Variants in PCDH15 observed in about 807,000 individuals in gnomAD.
PCDH15 encodes protocadherin-15.
Under a neutral mutation model 178.5 loss-of-function variants are expected in PCDH15, and 129 were observed. The observed-to-expected ratio is 0.72, with a 90% CI of 0.63 to 0.84. PCDH15 has a LOEUF of 0.84. Ranked by LOEUF, PCDH15 falls within the 40% of genes least tolerant of loss-of-function variation. The pLI, the probability that PCDH15 is intolerant of heterozygous loss-of-function variation, is 0.00. For synonymous variants in PCDH15, 800 were observed against 732.0 expected (o/e 1.09, Z -1.50); for missense variants, 2,230 against 2,099.9 (o/e 1.06, Z -1.21).
intron 13 of PCDH15, among the ~76,000 whole-genome samples, chr10:54,153,613 C>A (rs1401759516): frequency 6.6e-6 from 1 of 152,036 alleles, no homozygotes; most frequent in Non-Finnish European, 1.5e-5. Context: ...AATCTAATAT[C>A]CCTATAGGAA....
intron 1 of PCDH15, among the ~76,000 whole-genome samples, chr10:54,770,546 C>T (rs1243309995): frequency 6.6e-6 from 1 of 152,038 alleles, no homozygotes; most frequent in African/African-American, 2.4e-5. Context: ...GAAATGCAGG[C>T]TGTGAGGTGG....
At chr10:54,356,274 A>T (rs953047737) in intron 5 of PCDH15, among the ~76,000 whole-genome samples, 1 of 152,032 alleles carries the variant, frequency 6.6e-6, no homozygotes, top group Non-Finnish European at 1.5e-5. Flanking sequence ...TATCAGGTGA[A>T]TTAAAATTTA....
chr10:55,229,361 G>A (rs1030895291), intron 1 of PCDH15, among the ~76,000 whole-genome samples: 8 of 151,712 alleles, frequency 5.3e-5, no homozygotes, highest in Non-Finnish European at 1.0e-4. Flanking sequence ...ATAATCTGTT[G>A]TTATAAAAAG....
intron 2 of PCDH15, among the ~76,000 whole-genome samples, chr10:55,068,367 C>T (rs1468998948): frequency 6.6e-6 from 1 of 151,936 alleles, no homozygotes; most frequent in African/African-American, 2.4e-5. Context: ...TGTCCTTTCC[C>T]CAGTGAATTT....
intron 2 of PCDH15, among the ~76,000 whole-genome samples, chr10:54,628,659 A>C (rs1410527053): frequency 6.6e-6 from 1 of 152,158 alleles, no homozygotes; most frequent in Non-Finnish European, 1.5e-5. Flanking sequence ...TTTATGGTAG[A>C]GTAACCAAAT....
At chr10:54,633,117 A>C (rs775687225) in intron 2 of PCDH15, among the ~76,000 whole-genome samples, 1 of 152,156 alleles carries the variant, frequency 6.6e-6, no homozygotes, top group African/African-American at 2.4e-5. Flanking sequence ...GGAGACTGAA[A>C]AAAAGCCCAA....
chr10:54,852,234 A>G (rs548101896), intron 3 of PCDH15, among the ~76,000 whole-genome samples: 3 of 130,842 alleles, frequency 2.3e-5, no homozygotes, highest in East Asian at 5.1e-4. Flanking sequence ...TATTGAGTAA[A>G]TTGTTTCTAA....
At position 54,191,436 on chromosome 10, in the gene PCDH15, A is replaced by G. The variant is rs182465251; in HGVS notation, c.1305+4247T>C. Among the ~76,000 whole-genome samples the G allele has an allele frequency of 3.3e-5, 5 of 152,294 alleles. No individual in the cohort carries two copies. The East Asian group carries it at 9.7e-4, about 29-fold the overall frequency. The stretch of plus-strand genomic sequence containing the variant: ...AAAGATTTCAAAGCCTAGAACATGT[A>G]ATGAGCAAACATTAGACAAGATGTA... On this transcript the variant is annotated intron_variant, in intron 11 of 37. Coordinates refer to ENST00000644397, the MANE Select transcript of PCDH15 (RefSeq NM_001384140.1).
intron 2 of PCDH15, among the ~76,000 whole-genome samples, chr10:54,904,511 G>T (rs957610163): frequency 6.6e-6 from 1 of 151,720 alleles, no homozygotes; most frequent in African/African-American, 2.4e-5. Flanking sequence ...TATATAATAA[G>T]ATGACAAAAT....
At chr10:54,074,975 C>T (rs1472790415) in intron 17 of PCDH15, among the ~76,000 whole-genome samples, 2 of 152,078 alleles carry the variant, frequency 1.3e-5, no homozygotes, top group Non-Finnish European at 2.9e-5. Context: ...TTTAGCAATG[C>T]TAAGTGTTTT....
At chr10:53,956,266 G>C (rs2087603669) in intron 23 of PCDH15, among the ~76,000 whole-genome samples, 1 of 151,998 alleles carries the variant, frequency 6.6e-6, no homozygotes, top group Admixed American at 6.6e-5. Context: ...TTCATCCCTA[G>C]TTAATAAGGA....
chr10:55,265,768 C>T (rs1291483082), intron 1 of PCDH15, among the ~76,000 whole-genome samples: 4 of 152,016 alleles, frequency 2.6e-5, no homozygotes, highest in Non-Finnish European at 1.5e-5. Flanking sequence ...CTCTCTATCT[C>T]GTGATTCAGT....
chr10:54,575,740 A>G (rs1381290742), intron 2 of PCDH15, among the ~76,000 whole-genome samples: 1 of 152,210 alleles, frequency 6.6e-6, no homozygotes, highest in Non-Finnish European at 1.5e-5. Flanking sequence ...ATTTAGTAAT[A>G]AACAAGTCAA....
intron 9 of PCDH15, among the ~76,000 whole-genome samples, chr10:54,232,834 C>A (rs1187231990): frequency 1.3e-5 from 2 of 150,886 alleles, no homozygotes; most frequent in Admixed American, 1.3e-4. Flanking sequence ...ATTTTGGCTT[C>A]ATTTATTATC....
intron 28 of PCDH15, among the ~76,000 whole-genome samples, chr10:53,849,902 T>C (rs1217626277): frequency 3.4e-5 from 5 of 147,380 alleles, no homozygotes; most frequent in Non-Finnish European, 7.5e-5. Context: ...GAAAAATTTG[T>C]ACAAATTTGG....
intron 18 of PCDH15, among the ~76,000 whole-genome samples, chr10:54,056,109 C>T (rs1162879778): frequency 6.6e-6 from 1 of 152,052 alleles, no homozygotes; most frequent in Non-Finnish European, 1.5e-5. Context: ...GGGATTATGC[C>T]ATTTTTAATT....
chr10:54,453,499 T>C (rs1220315690), intron 3 of PCDH15, among the ~76,000 whole-genome samples: 2 of 151,468 alleles, frequency 1.3e-5, no homozygotes. Flanking sequence ...CACCAGGGCC[T>C]GTTGTGGGGT....
chr10:54,682,747 G>C (rs903849154), intron 1 of PCDH15, among the ~76,000 whole-genome samples: 1 of 152,148 alleles, frequency 6.6e-6, no homozygotes. Flanking sequence ...CCATGTGTGT[G>C]TGCATAGTGA....
At chr10:55,393,208 G>C (rs1219409409) in intron 2 of PCDH15, among the ~76,000 whole-genome samples, 1 of 152,018 alleles carries the variant, frequency 6.6e-6, no homozygotes, top group Non-Finnish European at 1.5e-5. Context: ...TCAAAATTAT[G>C]AGAAAGATTA....
Sources: gnomAD v4.1 joint callset for allele counts (sites outside exome capture counted in the v4.1 genomes callset) on GRCh38, gnomAD v4.1.1 for gene constraint, MANE v1.5 for transcripts, NCBI Gene and HGNC (gene_info 2026-07-23, HGNC 2026-07-21) for gene names.